The following PALMD variants were observed in gnomAD, a reference collection of about 807,000 sequenced individuals.
PALMD encodes the protein paralemmin-like protein.
PALMD carries 42 observed loss-of-function variants against 56.2 expected under a neutral mutation model. The ratio of observed to expected loss-of-function variants is 0.75; its 90% confidence interval spans 0.58 to 0.97. The LOEUF is 0.97. Among genes scored for constraint, PALMD ranks in the 50% least tolerant of loss-of-function variants. The probability of loss-of-function intolerance (pLI) is 0.00; values close to 1 mark genes in which losing one functional copy is unlikely to be tolerated. For missense variants in PALMD, 660 were observed against 643.8 expected (o/e 1.03, Z -0.27); for synonymous variants, 242 against 222.9 (o/e 1.09, Z -0.76).
intron 3 of PALMD, among the ~76,000 whole-genome samples, chr1:99,683,042 AAGAAAGAAAGAAAGAGAGAGAG>A (rs1653389195): frequency 1.8e-4 from 3 of 16,240 alleles, no homozygotes; most frequent in African/African-American, 1.4e-3. Flanking sequence ...GAAAGAAAGA[AAGAAAGAAAGAAAGAGAGAGAG>A]AGAGAGAGAG....
intron 3 of PALMD, among the ~76,000 whole-genome samples, chr1:99,678,469 T>G (rs899345674): frequency 1.3e-4 from 20 of 152,082 alleles, no homozygotes; most frequent in African/African-American, 4.1e-4. Flanking sequence ...TTATGAACAA[T>G]TACCTCAATT....
intron 2 of PALMD, among the ~76,000 whole-genome samples, chr1:99,663,553 C>CCT (rs148984335): frequency 1.3e-5 from 2 of 150,954 alleles, no homozygotes; most frequent in African/African-American, 2.4e-5. Flanking sequence ...GCTCTCCTTT[C>CCT]CTCTCTCTCT....
intron 3 of PALMD, among the ~76,000 whole-genome samples, chr1:99,680,563 A>G (rs1653318635): frequency 6.6e-6 from 1 of 152,076 alleles, no homozygotes; most frequent in Non-Finnish European, 1.5e-5. Flanking sequence ...TTCCTCACCA[A>G]ACTGAATCAG....
chr1:99,691,573 T>C (rs917047145), intron 7 of PALMD, among the ~76,000 whole-genome samples: 4 of 152,190 alleles, frequency 2.6e-5, no homozygotes, highest in Non-Finnish European at 4.4e-5. Flanking sequence ...GCATACAGAC[T>C]ACAGAGCTGA....
At chr1:99,661,881 C>G (rs2100858862) in intron 1 of PALMD, among the ~76,000 whole-genome samples, 1 of 152,282 alleles carries the variant, frequency 6.6e-6, no homozygotes, top group South Asian at 2.1e-4. Context: ...TTCTAACGAT[C>G]CATAGGTTGA....
chr1:99,664,155 A>G (rs1248391316), intron 2 of PALMD, among the ~76,000 whole-genome samples: 3 of 152,170 alleles, frequency 2.0e-5, no homozygotes, highest in African/African-American at 7.2e-5. Context: ...ACTGGAAAAA[A>G]GGGGTGTGTG....
chr1:99,664,678 G>A (rs1652921632), intron 2 of PALMD, among the ~76,000 whole-genome samples: 1 of 152,146 alleles, frequency 6.6e-6, no homozygotes, highest in Non-Finnish European at 1.5e-5. Flanking sequence ...ATGTGCAAAA[G>A]TATTTTTTAA....
chr1:99,655,503 T>C (rs1652701684), intron 1 of PALMD, among the ~76,000 whole-genome samples: 1 of 152,184 alleles, frequency 6.6e-6, no homozygotes, highest in African/African-American at 2.4e-5. Flanking sequence ...ACAACTTTGC[T>C]AGGGATTAAT....
rs754409300 is a variant in PALMD, at chr1:99,689,061, C to G, written c.801C>G (p.Tyr267Ter). ...AGCCTGTATATGCCAATCCCTTTTA[C>G]AGGCCTACAACCCCACAGAGAGAAA... ...YHEPVYANPF[Y>*]RPTTPQRETV... is the part of the protein sequence containing the mutation. The change falls in exon 7 of 8, where the codon TAC becomes TAG. Residue 267 changes from tyrosine (Y) to a stop codon, truncating the protein, a stop_gained. Transcript: ENST00000263174. LOFTEE classifies it high-confidence loss of function. The G allele has an allele frequency of 2.5e-6, 4 of 1,613,656 alleles. No homozygotes were observed. The highest frequency in any genetic ancestry group is 3.4e-6 in the Non-Finnish European group (4 of 1,179,736).
At chr1:99,675,485 G>A (rs772812726) in intron 3 of PALMD, among the ~76,000 whole-genome samples, 1 of 152,110 alleles carries the variant, frequency 6.6e-6, no homozygotes, top group South Asian at 2.1e-4. Flanking sequence ...GGTCACTTGG[G>A]AAACTCATGA....
At chr1:99,659,565 C>G (rs3766581) in intron 1 of PALMD, among the ~76,000 whole-genome samples, 2 of 152,132 alleles carry the variant, frequency 1.3e-5, no homozygotes, top group Non-Finnish European at 2.9e-5. Flanking sequence ...CAATGAAAAA[C>G]TGGGAAGAAA....
intron 2 of PALMD, 130 bp from the exon 3 acceptor site, chr1:99,667,512 C>T: frequency 2.6e-6 from 2 of 769,970 alleles, no homozygotes; most frequent in Non-Finnish European, 2.2e-6. Context: ...TTTATTCAGG[C>T]AAGGCACTGA....
intron 3 of PALMD, among the ~76,000 whole-genome samples, chr1:99,681,350 T>C (rs537443626): frequency 2.0e-4 from 31 of 152,156 alleles, no homozygotes; most frequent in Non-Finnish European, 3.4e-4. Context: ...ACTTCATTTA[T>C]ACTTGCCAAA....
intron 3 of PALMD, among the ~76,000 whole-genome samples, chr1:99,678,047 G>T (rs1981192): frequency 0.56 from 85,164 of 151,638 alleles, 24,305 homozygotes; most frequent in Non-Finnish European, 0.62. Flanking sequence ...CTTCCAATGG[G>T]GTTGTCACAG....
At position 99,662,332 on chromosome 1, in the gene PALMD, T is replaced by C. The variant is rs2100859078; in HGVS notation, c.59T>C (p.Ile20Thr). The C allele has an allele frequency of 1.3e-6, 2 of 1,547,498 alleles. No homozygotes were observed. Among genetic ancestry groups the C allele is most frequent in the Non-Finnish European group, 8.9e-7 (1 of 1,127,328 alleles). The change falls in exon 2 of 8, where the codon ATA becomes ACA. Residue 20 changes from isoleucine (I) to threonine (T), a missense_variant. Physicochemically the swap from Ile to Thr is moderately conservative, Grantham distance 89. Coordinates refer to ENST00000263174, the MANE Select transcript of PALMD (RefSeq NM_017734.5). ...RLQAITDKRK[I>T]QEEISQKRLK... ...TTTTTATTTCAGGATAAAAGAAAAA[T>C]ACAGGAAGAAATCTCACAGAAGCGT... is the stretch of plus-strand genomic sequence containing the variant.
intron 3 of PALMD, among the ~76,000 whole-genome samples, chr1:99,679,980 A>G (rs1263206213): frequency 1.3e-5 from 2 of 152,220 alleles, no homozygotes; most frequent in African/African-American, 4.8e-5. Flanking sequence ...AAATGCTAAC[A>G]CATGAAGTAC....
chr1:99,662,233 G>T, intron 1 of PALMD, 86 bp from the exon 2 acceptor site: 1 of 721,494 alleles, frequency 1.4e-6, no homozygotes, highest in Non-Finnish European at 2.4e-6. Context: ...ATCAGTAACG[G>T]GCCATTCAGA....
chr1:99,676,949 A>G (rs1294900539), intron 3 of PALMD, among the ~76,000 whole-genome samples: 1 of 152,212 alleles, frequency 6.6e-6, no homozygotes, highest in Non-Finnish European at 1.5e-5. Flanking sequence ...TATGACTAAC[A>G]CACTGCAGTC....
intron 1 of PALMD, among the ~76,000 whole-genome samples, chr1:99,654,946 G>A (rs1652685729): frequency 1.3e-5 from 2 of 152,012 alleles, no homozygotes; most frequent in South Asian, 4.2e-4. Flanking sequence ...AACAAACTAT[G>A]GCTATTAATC....
Sources: gnomAD v4.1 joint callset for allele counts (sites outside exome capture counted in the v4.1 genomes callset) on GRCh38, gnomAD v4.1.1 for gene constraint, MANE v1.5 for transcripts, NCBI Gene and HGNC (gene_info 2026-07-23, HGNC 2026-07-21) for gene names.